The following FBXO5 variants were observed in gnomAD, a reference collection of about 807,000 sequenced individuals.
FBXO5 encodes the protein F-box only protein 5.
A neutral mutation model predicts 43.3 loss-of-function variants in FBXO5; 8 were observed. The observed-to-expected ratio is 0.18, with a 90% CI of 0.11 to 0.33. The LOEUF is 0.33. Ranked by LOEUF, FBXO5 falls within the 10% of genes least tolerant of loss-of-function variation. The pLI is 1.00. For missense variants in FBXO5, 491 were observed against 535.7 expected (o/e 0.92, Z 0.82); for synonymous variants, 204 against 193.7 (o/e 1.05, Z -0.44).
At chr6:152,972,878 T>C (rs1198539065) in intron 3 of FBXO5, 168 bp downstream of exon 3, 3 of 458,956 alleles carry the variant, frequency 6.5e-6, no homozygotes, top group South Asian at 3.6e-5. Flanking sequence ...GAAATAAATG[T>C]TGAGTTGAGA....
In FBXO5 at chr6:152,971,047, G is replaced by C. The variant is rs1273220549; in HGVS notation, c.*116C>G. The C allele has an allele frequency of 9.6e-7, 1 of 1,036,550 alleles. No homozygotes were observed. Among genetic ancestry groups the C allele is most frequent in the Admixed American group, 3.4e-5 (1 of 29,748 alleles). 64.2% of individuals were successfully genotyped at this position (1,036,550 alleles called of 1,614,324 possible). ...ATCTTCTGGGGGGAAAAAAACCTCA[G>C]GATACTACACCGATTTCAACATAAA... On this transcript the variant is annotated 3_prime_UTR_variant, in exon 5 of 5. Coordinates refer to ENST00000229758, the MANE Select transcript of FBXO5 (RefSeq NM_012177.5).
At chr6:152,971,930 T>C (rs1454718499) in intron 4 of FBXO5, among the ~76,000 whole-genome samples, 2 of 152,152 alleles carry the variant, frequency 1.3e-5, no homozygotes, top group Non-Finnish European at 2.9e-5. Flanking sequence ...TTTTCATTAT[T>C]TCTTCAGTGT....
Position 152,974,925 on chromosome 6 carries a change from C to T in FBXO5, c.800G>A (p.Ser267Asn). ...TACTTACTTGATTAAGTCCATGTCA[C>T]TGAGTTGTGCTAAAATAGTTGCTAA... The part of the protein sequence containing the change: ...HVLATILAQL[S>N]DMDLINVSKV... The change falls in exon 2 of 5, where the codon AGT becomes AAT. Residue 267 changes from serine (S) to asparagine (N), a missense_variant. By Grantham distance (46) the Ser-to-Asn change is conservative. Coordinates refer to ENST00000229758, the MANE Select transcript of FBXO5 (RefSeq NM_012177.5). The T allele has an allele frequency of 6.2e-7, 1 of 1,601,376 alleles. No individual in the cohort carries two copies. Among genetic ancestry groups the T allele is most frequent in the Non-Finnish European group, 8.5e-7 (1 of 1,175,266 alleles).
At chr6:152,980,228 A>G (rs1778240091) in intron 1 of FBXO5, among the ~76,000 whole-genome samples, 1 of 152,214 alleles carries the variant, frequency 6.6e-6, no homozygotes. Flanking sequence ...GAGGGCTAAG[A>G]GTTCAGTTGA....
At chr6:152,972,942 T>C (rs746746942) in intron 3 of FBXO5, 104 bp downstream of exon 3, 66 of 804,506 alleles carry the variant, frequency 8.2e-5, no homozygotes, top group Non-Finnish European at 1.2e-4. Context: ...TGAAATACTT[T>C]ATGACTGTAA....
chr6:152,971,577 T>G (rs1997960), intron 4 of FBXO5, among the ~76,000 whole-genome samples, 163 bp from the exon 5 acceptor site: 115,118 of 152,102 alleles, frequency 0.76, 44,624 homozygotes, highest in African/African-American at 0.94. Context: ...TATCTATGCA[T>G]TATCTGATAG....
At chr6:152,977,805 GA>G (rs1778196317) in intron 1 of FBXO5, among the ~76,000 whole-genome samples, 1 of 152,170 alleles carries the variant, frequency 6.6e-6, no homozygotes, top group Non-Finnish European at 1.5e-5. Flanking sequence ...AATACTTCAG[GA>G]ATTCAAAGTC....
chr6:152,972,005 G>A lies in FBXO5; in HGVS notation c.1092+267C>T, dbSNP rs1446025496. Among the ~76,000 whole-genome samples the A allele has an allele frequency of 2.6e-5, 4 of 152,232 alleles. No homozygotes were observed. The South Asian group carries it at 8.3e-4, about 32-fold the overall frequency. On this transcript the variant is annotated intron_variant, in intron 4 of 4. Transcript: ENST00000229758. ...TGCCAAGCAGTACCTAATATTCATA[G>A]AAATACATTTCTACGTACTTTCCTA...
Position 152,975,027 on chromosome 6 carries a change from T to C in FBXO5, c.698A>G (p.Asn233Ser). ...TAGGCCCATTTTTCTGCCAATTATA[T>C]TCTGCAGTCTAAAATTTCCTCTGGC... ...IIARGNFRLQNIIGRKMGLEC... is the reference protein window; with the variant it reads ...IIARGNFRLQSIIGRKMGLEC... Residue 233 changes from asparagine to serine, a missense_variant, in exon 2 of 5, where the codon AAT (asparagine) becomes AGT (serine). Physicochemically the swap from Asn to Ser is conservative, Grantham distance 46. Transcript: ENST00000229758. 6 of 1,614,164 alleles carry C rather than the reference T, an allele frequency of 3.7e-6. No homozygotes were observed. The highest frequency in any genetic ancestry group is 5.1e-6 in the Non-Finnish European group (6 of 1,180,028).
At chr6:152,978,126 C>A (rs1257594149) in intron 1 of FBXO5, among the ~76,000 whole-genome samples, 1 of 152,086 alleles carries the variant, frequency 6.6e-6, no homozygotes, top group Non-Finnish European at 1.5e-5. Context: ...ACAGATCTTA[C>A]AAATAACATT....
chr6:152,979,790 A>C (rs1418557914), intron 1 of FBXO5, among the ~76,000 whole-genome samples: 1 of 152,148 alleles, frequency 6.6e-6, no homozygotes, highest in Non-Finnish European at 1.5e-5. Context: ...TCACATACTT[A>C]AATCATTTTG....
At chr6:152,982,429 C>T (rs1176997266) in intron 1 of FBXO5, among the ~76,000 whole-genome samples, 1 of 152,098 alleles carries the variant, frequency 6.6e-6, no homozygotes, top group Non-Finnish European at 1.5e-5. Flanking sequence ...GGTGAGGCAC[C>T]TGGCCAGGCC....
At chr6:152,975,946 G>A (rs958590007) in intron 1 of FBXO5, among the ~76,000 whole-genome samples, 3 of 152,148 alleles carry the variant, frequency 2.0e-5, no homozygotes, top group African/African-American at 7.2e-5. Context: ...GGAAAAAGGG[G>A]CTATATAATA....
intron 1 of FBXO5, among the ~76,000 whole-genome samples, chr6:152,981,335 TAA>T (rs1257272477): frequency 6.6e-6 from 1 of 152,178 alleles, no homozygotes; most frequent in Non-Finnish European, 1.5e-5. Context: ...TCAAATATCA[TAA>T]ATAAGGCTGC....
chr6:152,972,275 A>G lies in FBXO5; in HGVS notation c.1089T>C (p.Ser363=). 6.2e-7 allele frequency: 1 copy of G among 1,603,962 alleles called. No homozygotes were observed. The change falls in exon 4 of 5, where the codon TCT becomes TCC. Residue 363 remains serine (S), a synonymous_variant. Coordinates refer to ENST00000229758, the MANE Select transcript of FBXO5 (RefSeq NM_012177.5). ...GSTYSRHNEF[S]EVAKTLKKNE... The stretch of plus-strand genomic sequence containing the variant: ...TTATGATTAGACAAAAAATTACCTC[A>G]GAGAATTCATTGTGTCGACTATAAG...
chr6:152,976,561 G>GT (rs1194163530), intron 1 of FBXO5, among the ~76,000 whole-genome samples: 2 of 152,298 alleles, frequency 1.3e-5, no homozygotes, highest in East Asian at 3.9e-4. Context: ...TCAATCAAAA[G>GT]TAAGTGTTGG....
At chr6:152,981,180 C>T (rs1260842881) in intron 1 of FBXO5, among the ~76,000 whole-genome samples, 1 of 152,096 alleles carries the variant, frequency 6.6e-6, no homozygotes, top group East Asian at 1.9e-4. Context: ...TATTTTTCCC[C>T]CAAGTGCAGA....
chr6:152,971,331 T>C lies in FBXO5; in HGVS notation c.1176A>G (p.Gln392=). The C allele has an allele frequency of 6.2e-7, 1 of 1,614,050 alleles. No individual in the cohort carries two copies. Among genetic ancestry groups the C allele is most frequent in the Non-Finnish European group, 8.5e-7 (1 of 1,179,944 alleles). Reference sequence around the variant, plus strand: ...AGCCTTCTCGTTTGCAGGTTGCCCGTTGTAAATAGCAATCATATTTTGCAG... The same window carrying C: ...AGCCTTCTCGTTTGCAGGTTGCCCGCTGTAAATAGCAATCATATTTTGCAG... The part of the protein sequence containing the change: ...NSPAKYDCYL[Q]RATCKREGCG... Residue 392 remains glutamine, a synonymous_variant, in exon 5 of 5, where the codon CAA becomes CAG. Coordinates refer to ENST00000229758, the MANE Select transcript of FBXO5 (RefSeq NM_012177.5).
chr6:152,980,432 T>C (rs995769638), intron 1 of FBXO5, among the ~76,000 whole-genome samples: 1 of 152,132 alleles, frequency 6.6e-6, no homozygotes, highest in Non-Finnish European at 1.5e-5. Flanking sequence ...AAGAGAAATA[T>C]CTGTAGGGCT....
Sources: allele counts gnomAD v4.1 joint callset (sites outside exome capture counted in the v4.1 genomes callset), GRCh38; gene constraint gnomAD v4.1.1; transcripts MANE v1.5; gene names NCBI Gene and HGNC (gene_info 2026-07-23, HGNC 2026-07-21).